EYA4: variants seen among roughly 807,000 people sequenced by gnomAD.
The protein encoded by EYA4 is EYA transcriptional coactivator and phosphatase 4, also known as protein phosphatase EYA4.
EYA4 carries 31 observed loss-of-function variants against 87.9 expected under a neutral mutation model. The ratio of observed to expected loss-of-function variants is 0.35; its 90% CI spans 0.27 to 0.48. EYA4 has a LOEUF of 0.48. Among genes scored for constraint, EYA4 ranks in the 20% least tolerant of loss-of-function variants. EYA4 has a pLI of 0.99. For missense variants in EYA4, 678 were observed against 761.4 expected (o/e 0.89, Z 1.29); for synonymous variants, 263 against 270.6 (o/e 0.97, Z 0.28).
At chr6:133,250,655 T>C (rs1158201519) in intron 1 of EYA4, among the ~76,000 whole-genome samples, 2 of 151,596 alleles carry the variant, frequency 1.3e-5, no homozygotes, top group African/African-American at 2.4e-5. Context: ...AATAAATAAA[T>C]AAATAAAAAG....
intron 13 of EYA4, among the ~76,000 whole-genome samples, chr6:133,484,194 T>G (rs1212577328): frequency 6.6e-6 from 1 of 152,216 alleles, no homozygotes; most frequent in Non-Finnish European, 1.5e-5. Context: ...TAAAGCCAAC[T>G]CAGAACATGT....
chr6:133,250,534 C>T (rs779451292), intron 1 of EYA4, among the ~76,000 whole-genome samples: 15 of 151,936 alleles, frequency 9.9e-5, no homozygotes, highest in Admixed American at 7.2e-4. Context: ...CCCAGCTACT[C>T]GGGAGGCTGA....
At chr6:133,244,695 G>T (rs1455921816) in intron 1 of EYA4, among the ~76,000 whole-genome samples, 1 of 151,208 alleles carries the variant, frequency 6.6e-6, no homozygotes, top group African/African-American at 2.4e-5. Context: ...TTGTACTTTG[G>T]GGTGTAAATA....
intron 3 of EYA4, among the ~76,000 whole-genome samples, chr6:133,442,768 G>A (rs1381335870): frequency 1.3e-5 from 2 of 152,058 alleles, no homozygotes; most frequent in Non-Finnish European, 1.5e-5. Context: ...TTTCATCACC[G>A]AATATGATAT....
At chr6:133,291,414 G>A (rs1306020337) in intron 2 of EYA4, among the ~76,000 whole-genome samples, 1 of 152,070 alleles carries the variant, frequency 6.6e-6, no homozygotes, top group South Asian at 2.1e-4. Context: ...CTTATAAGAT[G>A]TATGTATTTG....
At chr6:133,249,449 C>G (rs1774702438) in intron 1 of EYA4, among the ~76,000 whole-genome samples, 1 of 152,150 alleles carries the variant, frequency 6.6e-6, no homozygotes, top group South Asian at 2.1e-4. Flanking sequence ...TGAGGTCCCT[C>G]CTGGACTTAA....
intron 2 of EYA4, among the ~76,000 whole-genome samples, chr6:133,379,562 G>T (rs370143240): frequency 1.3e-5 from 2 of 152,036 alleles, no homozygotes; most frequent in African/African-American, 4.8e-5. Flanking sequence ...CAGATAAAAA[G>T]ATCTGATAAT....
In EYA4 at chr6:133,468,637, G is replaced by A. The variant is rs750099139; in HGVS notation, c.876G>A (p.Ala292=). The A allele has an allele frequency of 2.4e-5, 38 of 1,612,332 alleles. No individual in the cohort carries two copies. The highest frequency in any genetic ancestry group is 2.7e-5 in the African/African-American group (2 of 74,822). ...ATTATTCAGCATCAACGTATGGAGC[G>A]TATATGACATCGAATAACACAGCCG... ...AQYYSASTYG[A]YMTSNNTADG... Residue 292 remains alanine (A), a synonymous_variant, in exon 11 of 20, where the codon GCG becomes GCA. Coordinates refer to ENST00000355286, the MANE Select transcript of EYA4 (RefSeq NM_004100.5).
chr6:133,462,531 C>T (rs1583346046), intron 8 of EYA4, 54 bp downstream of exon 8: 1 of 1,612,404 alleles, frequency 6.2e-7, no homozygotes, highest in East Asian at 2.2e-5. Context: ...ATCCTGCTGG[C>T]TGGTAGCTTT....
chr6:133,359,901 C>T (rs1240141143), intron 2 of EYA4, among the ~76,000 whole-genome samples: 2 of 152,118 alleles, frequency 1.3e-5, no homozygotes, highest in Non-Finnish European at 2.9e-5. Context: ...ATCATGCTTC[C>T]CCTTCTTTAC....
At chr6:133,381,631 A>C (rs1261777377) in intron 2 of EYA4, among the ~76,000 whole-genome samples, 1 of 152,158 alleles carries the variant, frequency 6.6e-6, no homozygotes, top group African/African-American at 2.4e-5. Context: ...TTTTCATATT[A>C]ACCAAGAGAT....
intron 2 of EYA4, among the ~76,000 whole-genome samples, chr6:133,311,859 A>G (rs951171986): frequency 1.6e-4 from 24 of 151,808 alleles, no homozygotes; most frequent in African/African-American, 5.8e-4. Context: ...AATAAATAAG[A>G]ATGAGAGAAG....
chr6:133,468,314 G>GCTAA (rs1269021507), intron 10 of EYA4, among the ~76,000 whole-genome samples: 3 of 152,012 alleles, frequency 2.0e-5, no homozygotes, highest in African/African-American at 7.2e-5. Context: ...TGAAGCATAT[G>GCTAA]CTAACTTTAA....
intron 13 of EYA4, chr6:133,502,191 A>G (rs1798187132): frequency 1.3e-5 from 2 of 152,142 alleles, no homozygotes; most frequent in Non-Finnish European, 2.9e-5. Context: ...TCTGTTGTAG[A>G]CACTTTGAAC....
intron 3 of EYA4, among the ~76,000 whole-genome samples, chr6:133,383,058 C>G (rs1786371800): frequency 6.6e-6 from 1 of 152,110 alleles, no homozygotes; most frequent in South Asian, 2.1e-4. Context: ...AAAGTCCAGG[C>G]TGCAATTTTG....
chr6:133,520,968 A>G (rs1800068745), intron 17 of EYA4, among the ~76,000 whole-genome samples: 1 of 151,384 alleles, frequency 6.6e-6, no homozygotes, highest in Non-Finnish European at 1.5e-5. Context: ...TCAATTCAAG[A>G]TGGATTAAAG....
chr6:133,468,691 T>C lies in EYA4; in HGVS notation c.930T>C (p.Tyr310=), dbSNP rs1236027275. ...ADGTPSSTST[Y]QLQESLPGLT... ...GCACACCCTCTTCAACCTCTACTTATCAGTTGCAGGAATCTCTCCCAGGAC... is the reference window on the plus strand; with the variant it reads ...GCACACCCTCTTCAACCTCTACTTACCAGTTGCAGGAATCTCTCCCAGGAC... Residue 310 remains tyrosine (Y), a synonymous_variant, in exon 11 of 20, where the codon TAT becomes TAC. Coordinates refer to ENST00000355286, the MANE Select transcript of EYA4 (RefSeq NM_004100.5). The C allele has an allele frequency of 5.6e-6, 9 of 1,612,988 alleles. No individual in the cohort carries two copies. The highest frequency in any genetic ancestry group is 6.8e-6 in the Non-Finnish European group (8 of 1,179,328).
At chr6:133,436,223 GAAAAAAA>G (rs537669152) in intron 3 of EYA4, among the ~76,000 whole-genome samples, 2 of 133,482 alleles carry the variant, frequency 1.5e-5, no homozygotes, top group Admixed American at 7.6e-5. Context: ...CCGTCTTGAG[GAAAAAAA>G]AAAAAAAAGA....
In EYA4 at chr6:133,529,548, G is replaced by A. The variant is rs1213629685; in HGVS notation, c.*743G>A. 7 of 941,096 alleles carry A rather than the reference G, an allele frequency of 7.4e-6. No homozygotes were observed. Among genetic ancestry groups the A allele is most frequent in the South Asian group, 4.9e-5 (1 of 20,468 alleles). The allele number at this position is 941,096 out of a possible 1,614,324, so 58.3% of individuals were successfully genotyped here. Reference sequence around the variant, plus strand: ...AAAAAAAACAAAAAAAAAAACCTTTGTGATGATTCTTAACATGACCAAATT... The same window carrying A: ...AAAAAAAACAAAAAAAAAAACCTTTATGATGATTCTTAACATGACCAAATT... On this transcript the variant is annotated 3_prime_UTR_variant, in exon 20 of 20. Coordinates refer to ENST00000355286, the MANE Select transcript of EYA4 (RefSeq NM_004100.5).
Sources: gnomAD v4.1 joint callset for allele counts (sites outside exome capture counted in the v4.1 genomes callset) on GRCh38, gnomAD v4.1.1 for gene constraint, MANE v1.5 for transcripts, NCBI Gene and HGNC (gene_info 2026-07-23, HGNC 2026-07-21) for gene names.